KLHL29: variants seen among roughly 807,000 people sequenced by gnomAD.
KLHL29 encodes kelch like family member 29.
Under a neutral mutation model 80.4 loss-of-function variants are expected in KLHL29, and 21 were observed. The ratio of observed to expected loss-of-function variants is 0.26; its 90% CI spans 0.19 to 0.38. The LOEUF (loss-of-function observed/expected upper bound fraction) is 0.38. Ranked by LOEUF, KLHL29 falls within the 10% of genes least tolerant of loss-of-function variation. The probability of loss-of-function intolerance (pLI) is 1.00; values close to 1 mark genes in which losing one functional copy is unlikely to be tolerated. For missense variants in KLHL29, 867 were observed against 1,223.9 expected (o/e 0.71, Z 4.35); for synonymous variants, 511 against 526.8 (o/e 0.97, Z 0.41).
chr2:23,626,230 C>T (rs530793716), intron 3 of KLHL29, among the ~76,000 whole-genome samples: 1 of 152,320 alleles, frequency 6.6e-6, no homozygotes, highest in African/African-American at 2.4e-5. Context: ...ATGGGAATCT[C>T]ATGCCGCCAC....
chr2:23,706,749 A>C lies in KLHL29; in HGVS notation c.*85A>C. 1.0e-6 allele frequency: 1 copy of C among 962,702 alleles called. No homozygotes were observed. Among genetic ancestry groups the C allele is most frequent in the South Asian group, 2.0e-5 (1 of 50,138 alleles). The allele number at this position is 962,702 out of a possible 1,614,324, so 59.6% of individuals were successfully genotyped here. A position where few individuals can be genotyped will look rare whatever the true frequency, so the allele number is the denominator to read the frequency against. On this transcript the variant is annotated 3_prime_UTR_variant, in exon 14 of 14. Transcript: ENST00000486442. ...ATGATAATTTTCCAGCGACACCAAC[A>C]AGAGGCCAACAAAACACAATCAAGG...
At chr2:23,538,680 G>A (rs572023230) in intron 2 of KLHL29, among the ~76,000 whole-genome samples, 4 of 152,364 alleles carry the variant, frequency 2.6e-5, no homozygotes, top group Middle Eastern at 3.4e-3. Context: ...GCACATTTGT[G>A]ACAGTGTAAC....
intron 1 of KLHL29, among the ~76,000 whole-genome samples, chr2:23,401,480 G>A (rs892214172): frequency 6.6e-6 from 1 of 152,188 alleles, no homozygotes; most frequent in Non-Finnish European, 1.5e-5. Context: ...CTCTGAATGA[G>A]GTTGGCGGCA....
intron 3 of KLHL29, among the ~76,000 whole-genome samples, chr2:23,620,359 CAAAG>C (rs1669140850): frequency 6.6e-6 from 1 of 152,128 alleles, no homozygotes; most frequent in African/African-American, 2.4e-5. Context: ...CCTTGCCACA[CAAAG>C]AACAGATTCA....
chr2:23,702,378 A>G (rs1004360507), intron 11 of KLHL29, among the ~76,000 whole-genome samples: 2 of 152,240 alleles, frequency 1.3e-5, no homozygotes, highest in East Asian at 1.9e-4. Flanking sequence ...AAAATGTCAG[A>G]TATCTCATGG....
At chr2:23,597,517 A>G (rs1457233635) in intron 3 of KLHL29, among the ~76,000 whole-genome samples, 2 of 139,920 alleles carry the variant, frequency 1.4e-5, no homozygotes, top group African/African-American at 5.4e-5. Context: ...TCTGCCTCCC[A>G]GGTTCAAGTG....
intron 1 of KLHL29, among the ~76,000 whole-genome samples, chr2:23,394,843 G>A (rs1237121781): frequency 6.6e-6 from 1 of 152,206 alleles, no homozygotes; most frequent in Non-Finnish European, 1.5e-5. Context: ...TGCCTGCAAG[G>A]CTTAGGTGTA....
rs571454729 is a variant in KLHL29, at chr2:23,620,170, G to A, written c.286-18969G>A. Among the ~76,000 whole-genome samples the A allele has an allele frequency of 4.5e-3, 687 of 152,278 alleles. 2 individuals carry two copies. Among genetic ancestry groups the A allele is most frequent in the African/African-American group, 0.015 (627 of 41,544 alleles). On this transcript the variant is annotated intron_variant, in intron 3 of 13. Coordinates refer to ENST00000486442, the MANE Select transcript of KLHL29 (RefSeq NM_052920.2). Reference sequence around the variant, plus strand: ...GGCTGATGTGTGGAGATTGGACGCAGCAAACCACATGAGGGTGCTGGCAGA... The same window carrying A: ...GGCTGATGTGTGGAGATTGGACGCAACAAACCACATGAGGGTGCTGGCAGA...
chr2:23,402,611 G>A (rs1572484162), intron 1 of KLHL29, among the ~76,000 whole-genome samples: 1 of 152,238 alleles, frequency 6.6e-6, no homozygotes, highest in East Asian at 1.9e-4. Flanking sequence ...CTTGTCTTGG[G>A]GCAGAACCTG....
chr2:23,483,940 C>T (rs1007237694), intron 2 of KLHL29, among the ~76,000 whole-genome samples: 3 of 152,212 alleles, frequency 2.0e-5, no homozygotes, highest in Admixed American at 1.3e-4. Context: ...CTGCCTCCCA[C>T]GACCATTAGT....
intron 13 of KLHL29, among the ~76,000 whole-genome samples, 150 bp from the exon 14 acceptor site, chr2:23,706,328 GCCC>G (rs1672721262): frequency 4.0e-5 from 6 of 151,834 alleles, no homozygotes; most frequent in African/African-American, 1.5e-4. Context: ...TCTTATGCCA[GCCC>G]AGGTTAGAGG....
intron 2 of KLHL29, among the ~76,000 whole-genome samples, chr2:23,537,738 G>A (rs968520114): frequency 6.6e-6 from 1 of 152,170 alleles, no homozygotes; most frequent in African/African-American, 2.4e-5. Context: ...GAAGCTGCAT[G>A]TCGGGTGGGA....
rs911085148 is a variant in KLHL29, at chr2:23,562,502, T to G, written c.285+21T>G. The G allele has an allele frequency of 3.9e-6, 6 of 1,534,100 alleles. No individual in the cohort carries two copies. The African/African-American group carries it at 6.9e-5, about 18-fold the overall frequency. Reference sequence around the variant, plus strand: ...CCAAGGTAAGATGTGGTGTCATCTCTGAGCAGGAGCCGGACAGAGGGGCCC... The same window carrying G: ...CCAAGGTAAGATGTGGTGTCATCTCGGAGCAGGAGCCGGACAGAGGGGCCC... On this transcript the variant is annotated intron_variant, in intron 3 of 13. Transcript: ENST00000486442. The surrounding 1 kb of genome is among the most constrained non-coding windows in gnomAD (Gnocchi z 4.5).
At chr2:23,478,962 C>G (rs1664711993) in intron 2 of KLHL29, among the ~76,000 whole-genome samples, 1 of 151,884 alleles carries the variant, frequency 6.6e-6, no homozygotes, top group Non-Finnish European at 1.5e-5. Flanking sequence ...TCTGACCGCA[C>G]TCCCCTGCCC....
intron 5 of KLHL29, among the ~76,000 whole-genome samples, chr2:23,677,907 G>A (rs1227234528): frequency 6.6e-6 from 1 of 152,182 alleles, no homozygotes; most frequent in African/African-American, 2.4e-5. Flanking sequence ...GGGATGGGAA[G>A]CATTTATCAC....
chr2:23,543,460 ATTG>A (rs1411716031), intron 2 of KLHL29, among the ~76,000 whole-genome samples: 3 of 152,088 alleles, frequency 2.0e-5, no homozygotes, highest in Non-Finnish European at 4.4e-5. Context: ...GTAGGGGGAT[ATTG>A]TTATTTTTCT....
intron 2 of KLHL29, among the ~76,000 whole-genome samples, chr2:23,531,423 A>G (rs1666486888): frequency 6.6e-6 from 1 of 152,094 alleles, no homozygotes; most frequent in African/African-American, 2.4e-5. Flanking sequence ...CCCACCCACT[A>G]CCAGATTGCT....
Position 23,684,981 on chromosome 2 carries a change from G to C in KLHL29, c.1079+444G>C, listed in dbSNP as rs1033081225. 6.6e-6 allele frequency among the ~76,000 whole-genome samples: 1 copy of C among 152,216 alleles called. No individual in the cohort carries two copies. The highest frequency in any genetic ancestry group is 1.5e-5 in the Non-Finnish European group (1 of 68,036). ...CGGTGGTGACTAATGCCAGGAAAGC[G>C]CATCGGCCAGGCTGTCCCTGCTGAG... On this transcript the variant is annotated intron_variant, in intron 6 of 13. Transcript: ENST00000486442. The surrounding 1 kb of genome is among the most constrained non-coding windows in gnomAD (Gnocchi z 4.4).
chr2:23,501,390 C>T (rs72784259), intron 2 of KLHL29, among the ~76,000 whole-genome samples: 3,006 of 152,038 alleles, frequency 0.02, 36 homozygotes, highest in Non-Finnish European at 0.025. Flanking sequence ...GGTGCAGGCA[C>T]GTTCCCTGAG....
Sources: gnomAD v4.1 joint callset for allele counts (sites outside exome capture counted in the v4.1 genomes callset) on GRCh38, gnomAD v4.1.1 for gene constraint, Gnocchi (gnomAD v3.1) non-coding constraint, MANE v1.5 for transcripts, NCBI Gene and HGNC (gene_info 2026-07-23, HGNC 2026-07-21) for gene names.